Variants in SMYD3 observed in about 807,000 individuals in gnomAD.
SMYD3 encodes the protein histone-lysine N-methyltransferase SMYD3.
Under a neutral mutation model 57.7 loss-of-function variants are expected in SMYD3, and 36 were observed. The ratio of observed to expected loss-of-function variants is 0.62; its 90% CI spans 0.48 to 0.82. The LOEUF (loss-of-function observed/expected upper bound fraction) is 0.82. SMYD3 is among the 40% of genes least tolerant of loss of function. The probability of loss-of-function intolerance (pLI) is 0.00; values close to 1 mark genes in which losing one functional copy is unlikely to be tolerated. For synonymous variants in SMYD3, 211 were observed against 195.0 expected, an observed-to-expected ratio of 1.08 and a Z score of -0.68; for missense variants, 515 against 538.8, an observed-to-expected ratio of 0.96 and a Z score of 0.44.
rs57740230 is a variant in SMYD3, at chr1:246,282,305, C to CAAAAAAAAAAAAAAAAAA, written c.531+44878_531+44895dup. On this transcript the variant is annotated intron_variant, in intron 5 of 11. Transcript: ENST00000490107. ...CAACATGGCAAGACCCTCATCTCTA[C>CAAAAAAAAAAAAAAAAAA]AAAAAAAAAAAAAAAAAAAAAAAAA... is the stretch of plus-strand genomic sequence containing the variant. 4.7e-4 allele frequency among the ~76,000 whole-genome samples: 32 copies of CAAAAAAAAAAAAAAAAAA among 67,930 alleles called. 3 individuals carry two copies. The highest frequency in any genetic ancestry group is 1.6e-3 in the East Asian group (4 of 2,578). 44.6% of individuals were successfully genotyped at this position (67,930 alleles called of 152,430 possible). A position where few individuals can be genotyped will look rare whatever the true frequency, so the allele number is the denominator to read the frequency against.
chr1:246,233,565 T>C (rs542686646), intron 5 of SMYD3, among the ~76,000 whole-genome samples: 1 of 126,786 alleles, frequency 7.9e-6, no homozygotes, highest in African/African-American at 3.1e-5. Flanking sequence ...GATGAACATA[T>C]ACCACACAGA....
intron 11 of SMYD3, among the ~76,000 whole-genome samples, chr1:245,751,590 G>A (rs9701721): frequency 7.0e-5 from 4 of 57,010 alleles, no homozygotes; most frequent in African/African-American, 3.2e-4. Context: ...GAGAGAGAGA[G>A]AGAAAGAGAG....
intron 1 of SMYD3, among the ~76,000 whole-genome samples, chr1:246,475,998 C>G (rs555183647): frequency 1.1e-4 from 17 of 152,226 alleles, no homozygotes; most frequent in Admixed American, 8.5e-4. Context: ...TTTTGTTATT[C>G]TATGACAGGT....
chr1:246,474,260 C>G (rs2067998204), intron 1 of SMYD3, among the ~76,000 whole-genome samples: 1 of 152,108 alleles, frequency 6.6e-6, no homozygotes, highest in Non-Finnish European at 1.5e-5. Flanking sequence ...TGGCTCATGC[C>G]TTTAATGCAA....
chr1:245,809,489 T>C (rs1044012977), intron 10 of SMYD3, among the ~76,000 whole-genome samples: 3 of 152,182 alleles, frequency 2.0e-5, no homozygotes, highest in Non-Finnish European at 4.4e-5. Flanking sequence ...GTTCTAACTT[T>C]GTGAACCAAA....
intron 5 of SMYD3, among the ~76,000 whole-genome samples, chr1:245,933,936 A>C (rs1933525): frequency 0.82 from 124,778 of 152,032 alleles, 52,115 homozygotes; most frequent in Middle Eastern, 0.91. Flanking sequence ...GAACCCAGCC[A>C]CTTCCCAGCC....
chr1:246,198,634 G>T (rs2062862171), intron 5 of SMYD3, among the ~76,000 whole-genome samples: 1 of 152,130 alleles, frequency 6.6e-6, no homozygotes, highest in South Asian at 2.1e-4. Context: ...AGTCATTAAA[G>T]GCTTGTCATC....
At chr1:246,017,138 C>A (rs2059391145) in intron 5 of SMYD3, among the ~76,000 whole-genome samples, 1 of 152,156 alleles carries the variant, frequency 6.6e-6, no homozygotes, top group South Asian at 2.1e-4. Context: ...ATGAGGCCAT[C>A]AGCACTGCCA....
At chr1:246,080,591 C>T (rs1303960969) in intron 5 of SMYD3, among the ~76,000 whole-genome samples, 6 of 151,978 alleles carry the variant, frequency 3.9e-5, no homozygotes, top group Admixed American at 1.3e-4. Flanking sequence ...TTTAAGAAAA[C>T]GGGAGACTCT....
At chr1:245,784,184 G>A (rs1158384669) in intron 10 of SMYD3, among the ~76,000 whole-genome samples, 1 of 152,210 alleles carries the variant, frequency 6.6e-6, no homozygotes. Flanking sequence ...TAGTTCTCAT[G>A]CTAATTCTGC....
chr1:246,045,280 A>T (rs2059943270), intron 5 of SMYD3, among the ~76,000 whole-genome samples: 1 of 152,214 alleles, frequency 6.6e-6, no homozygotes. Flanking sequence ...GTACCAAAAC[A>T]GAGAGATAGA....
At chr1:246,046,481 G>A (rs185831645) in intron 5 of SMYD3, among the ~76,000 whole-genome samples, 70 of 152,050 alleles carry the variant, frequency 4.6e-4, no homozygotes, top group Middle Eastern at 3.4e-3. Flanking sequence ...GTCATGGGGC[G>A]GTGGGAGTGG....
intron 1 of SMYD3, among the ~76,000 whole-genome samples, chr1:246,364,072 G>A (rs2066056048): frequency 6.6e-6 from 1 of 152,150 alleles, no homozygotes; most frequent in African/African-American, 2.4e-5. Context: ...ACTGAACCAA[G>A]GGATGCAGGA....
intron 5 of SMYD3, among the ~76,000 whole-genome samples, chr1:246,323,116 T>C (rs1043856370): frequency 6.6e-6 from 1 of 152,170 alleles, no homozygotes; most frequent in Admixed American, 6.6e-5. Flanking sequence ...TGATATGAGG[T>C]CCTCCTTGAC....
At chr1:246,446,149 T>C (rs1019315928) in intron 1 of SMYD3, among the ~76,000 whole-genome samples, 1 of 152,178 alleles carries the variant, frequency 6.6e-6, no homozygotes, top group Non-Finnish European at 1.5e-5. Context: ...AGTATTGAAA[T>C]AGTGAAGAGG....
At chr1:245,919,344 T>C (rs1258584578) in intron 7 of SMYD3, among the ~76,000 whole-genome samples, 2 of 152,166 alleles carry the variant, frequency 1.3e-5, no homozygotes, top group Non-Finnish European at 2.9e-5. Context: ...GTTATGTACA[T>C]TGCTAGACCT....
intron 1 of SMYD3, among the ~76,000 whole-genome samples, chr1:246,457,961 G>C (rs932776423): frequency 6.6e-6 from 1 of 152,170 alleles, no homozygotes; most frequent in Non-Finnish European, 1.5e-5. Context: ...GTTCAAACTT[G>C]AGTTATGACA....
chr1:246,085,338 G>A (rs2060704374), intron 5 of SMYD3, among the ~76,000 whole-genome samples: 1 of 152,032 alleles, frequency 6.6e-6, no homozygotes, highest in Admixed American at 6.6e-5. Context: ...TGGGGTCCAA[G>A]ACATCCTACC....
At chr1:246,264,969 A>G (rs2064077129) in intron 5 of SMYD3, among the ~76,000 whole-genome samples, 1 of 152,268 alleles carries the variant, frequency 6.6e-6, no homozygotes, top group African/African-American at 2.4e-5. Context: ...ATAATTGTGA[A>G]GAAATAAAAA....
Sources: allele counts gnomAD v4.1 joint callset (sites outside exome capture counted in the v4.1 genomes callset), GRCh38; gene constraint gnomAD v4.1.1; transcripts MANE v1.5; gene names NCBI Gene and HGNC (gene_info 2026-07-23, HGNC 2026-07-21).